Variants in CDKL4 observed in about 807,000 individuals in gnomAD.
CDKL4 encodes cyclin dependent kinase like 4.
Under a neutral mutation model 42.0 loss-of-function variants are expected in CDKL4, and 44 were observed. The observed-to-expected ratio is 1.05, with a 90% CI of 0.82 to 1.35. The LOEUF is 1.35. CDKL4 is among the 40% of genes most tolerant of loss of function. The pLI is 0.00. For missense variants in CDKL4, 393 were observed against 369.9 expected (o/e 1.06, Z -0.51); for synonymous variants, 120 against 121.6 (o/e 0.99, Z 0.09).
At chr2:39,190,551 A>T in intron 5 of CDKL4, 49 bp from the exon 6 acceptor site, 1 of 1,515,480 alleles carries the variant, frequency 6.6e-7, no homozygotes, top group Non-Finnish European at 9.2e-7. Context: ...CCAACATGTG[A>T]ACTGCTCCCA....
chr2:39,243,525 C>T (rs1236493014), intron 1 of CDKL4, among the ~76,000 whole-genome samples: 1 of 152,246 alleles, frequency 6.6e-6, no homozygotes, highest in Non-Finnish European at 1.5e-5. Context: ...AGCACAAATC[C>T]ACTTTATTTC....
intron 5 of CDKL4, among the ~76,000 whole-genome samples, chr2:39,203,676 T>C (rs1676989281): frequency 6.6e-6 from 1 of 152,200 alleles, no homozygotes; most frequent in Non-Finnish European, 1.5e-5. Flanking sequence ...ACATCCCTAC[T>C]AATGGCAGCC....
downstream of CDKL4, among the ~76,000 whole-genome samples, chr2:39,175,218 C>T (rs948769039): frequency 5.3e-5 from 8 of 152,158 alleles, no homozygotes; most frequent in African/African-American, 9.7e-5. Flanking sequence ...TCAGACAACA[C>T]ACCCAGGAGG....
In CDKL4 at chr2:39,218,786, T is replaced by C. The variant is rs149781543; in HGVS notation, c.291-5314A>G. ...TGAAACTCTCTGTCCTCTGGGGCCT[T>C]AGGACTTGGCCTGAATTAGACCATC... On this transcript the variant is annotated intron_variant, in intron 3 of 9. Coordinates refer to ENST00000451199, the Ensembl canonical transcript of CDKL4. 1.4e-4 allele frequency among the ~76,000 whole-genome samples: 21 copies of C among 152,306 alleles called. No individual in the cohort carries two copies. In the East Asian group the frequency reaches 3.7e-3, roughly 27 times the overall value.
intron 8 of CDKL4, among the ~76,000 whole-genome samples, chr2:39,184,268 C>A (rs1675599509): frequency 6.6e-6 from 1 of 152,210 alleles, no homozygotes; most frequent in African/African-American, 2.4e-5. Context: ...GAATGGCAGA[C>A]TAGGCATAGG....
chr2:39,173,703 G>C (rs1455048550), downstream of CDKL4, among the ~76,000 whole-genome samples: 1 of 151,788 alleles, frequency 6.6e-6, no homozygotes, highest in Non-Finnish European at 1.5e-5. Context: ...CCAGCTACTA[G>C]GGAGGCTGAG....
chr2:39,218,307 C>T lies in CDKL4; in HGVS notation c.291-4835G>A, dbSNP rs111517279. ...CTTGAGCACAGGAGTTTGAGACCAGCCTGGGCCACATGGCAAGACCCTACC... is the reference window on the plus strand; with the variant it reads ...CTTGAGCACAGGAGTTTGAGACCAGTCTGGGCCACATGGCAAGACCCTACC... On this transcript the variant is annotated intron_variant, in intron 3 of 9. Transcript: ENST00000451199. Among the ~76,000 whole-genome samples, 609 of 152,044 alleles carry T rather than the reference C, an allele frequency of 4.0e-3. 7 individuals are homozygous for T. Among genetic ancestry groups the T allele is most frequent in the African/African-American group, 0.014 (579 of 41,512 alleles).
intron 5 of CDKL4, among the ~76,000 whole-genome samples, chr2:39,193,356 A>AATT (rs79269841): frequency 0.041 from 6,082 of 147,966 alleles, 192 homozygotes; most frequent in African/African-American, 0.089. Flanking sequence ...TCATTTATAA[A>AATT]ATTATTATTA....
intron 5 of CDKL4, among the ~76,000 whole-genome samples, chr2:39,193,041 T>C (rs988067908): frequency 6.7e-6 from 1 of 149,598 alleles, no homozygotes; most frequent in Non-Finnish European, 1.5e-5. Flanking sequence ...GGCAGGAGGA[T>C]AGCTTGAGCC....
At chr2:39,178,806 T>C in intron 9 of CDKL4, 1 of 1,555,242 alleles carries the variant, frequency 6.4e-7, no homozygotes, top group Non-Finnish European at 8.7e-7. Flanking sequence ...ATTGCACATC[T>C]GGAGGCTACA....
intron 1 of CDKL4, among the ~76,000 whole-genome samples, chr2:39,234,195 G>T (rs951212006): frequency 6.6e-6 from 1 of 152,108 alleles, no homozygotes; most frequent in Admixed American, 6.5e-5. Context: ...CTACAGGCGT[G>T]AGCCACTGCA....
intron 9 of CDKL4, among the ~76,000 whole-genome samples, chr2:39,178,360 A>C (rs910245448): frequency 8.5e-5 from 13 of 152,242 alleles, no homozygotes; most frequent in African/African-American, 2.9e-4. Flanking sequence ...AAGCAAACGC[A>C]AACTGTGAAA....
chr2:39,222,738 G>A (rs536658835), intron 3 of CDKL4, among the ~76,000 whole-genome samples: 20 of 152,276 alleles, frequency 1.3e-4, no homozygotes, highest in African/African-American at 4.6e-4. Flanking sequence ...AGATGTTCAA[G>A]TCAAGCAAAC....
chr2:39,234,167 C>G (rs572624516), intron 1 of CDKL4, among the ~76,000 whole-genome samples: 5 of 152,078 alleles, frequency 3.3e-5, no homozygotes, highest in Admixed American at 3.3e-4. Flanking sequence ...CCTGCCTTGG[C>G]CTCCCAAAGT....
At chr2:39,199,492 GA>G (rs754359731) in intron 5 of CDKL4, among the ~76,000 whole-genome samples, 2 of 152,044 alleles carry the variant, frequency 1.3e-5, no homozygotes, top group Non-Finnish European at 2.9e-5. Flanking sequence ...ACTCTATGAA[GA>G]CAGTATCACC....
At chr2:39,214,447 T>G (rs1677793130) in intron 3 of CDKL4, among the ~76,000 whole-genome samples, 1 of 152,232 alleles carries the variant, frequency 6.6e-6, no homozygotes, top group Non-Finnish European at 1.5e-5. Flanking sequence ...TATATGGATA[T>G]ATCATAATTT....
At chr2:39,206,146 C>T (rs1285161898) in intron 4 of CDKL4, among the ~76,000 whole-genome samples, 1 of 151,986 alleles carries the variant, frequency 6.6e-6, no homozygotes, top group Non-Finnish European at 1.5e-5. Flanking sequence ...CTCCGCCCCC[C>T]GGGTTCAAGC....
chr2:39,192,230 T>C (rs904093094), intron 5 of CDKL4, among the ~76,000 whole-genome samples: 1 of 152,194 alleles, frequency 6.6e-6, no homozygotes, highest in African/African-American at 2.4e-5. Flanking sequence ...ATATGCTCAC[T>C]GCAGAGAACA....
At chr2:39,237,419 T>G (rs1558588650) in intron 1 of CDKL4, among the ~76,000 whole-genome samples, 1 of 152,230 alleles carries the variant, frequency 6.6e-6, no homozygotes, top group African/African-American at 2.4e-5. Context: ...GTTAACATCA[T>G]GCTTAATGAT....
Sources: gnomAD v4.1 joint callset for allele counts (sites outside exome capture counted in the v4.1 genomes callset) on GRCh38, gnomAD v4.1.1 for gene constraint, MANE v1.5 for transcripts, NCBI Gene and HGNC (gene_info 2026-07-23, HGNC 2026-07-21) for gene names.